The following HSF2BP variants were observed in gnomAD, a reference collection of about 807,000 sequenced individuals.
The protein encoded by HSF2BP is heat shock transcription factor 2 binding protein.
HSF2BP carries 35 observed loss-of-function variants against 35.0 expected under a neutral mutation model. The ratio of observed to expected loss-of-function variants is 1.00; its 90% CI spans 0.76 to 1.32. The LOEUF is 1.32. Ranked by LOEUF, HSF2BP falls within the 40% of genes most tolerant of loss-of-function variation. HSF2BP has a pLI of 0.00. For missense variants in HSF2BP, 326 were observed against 321.7 expected (o/e 1.01, Z -0.10); for synonymous variants, 114 against 117.4 (o/e 0.97, Z 0.18).
At chr21:43,628,041 A>C (rs1352175194) in intron 6 of HSF2BP, among the ~76,000 whole-genome samples, 1 of 152,152 alleles carries the variant, frequency 6.6e-6, no homozygotes, top group East Asian at 1.9e-4. Context: ...TTTTCCAATG[A>C]CTGGCCATTC....
At chr21:43,642,370 A>C (rs2082648435) in intron 4 of HSF2BP, among the ~76,000 whole-genome samples, 1 of 152,146 alleles carries the variant, frequency 6.6e-6, no homozygotes, top group African/African-American at 2.4e-5. Context: ...CAAAAAATAA[A>C]TAAATAAATA....
chr21:43,644,214 T>G lies in HSF2BP; in HGVS notation c.291+75A>C, dbSNP rs1601718606. ...TTAAGAGTAAAAAATTCAGTCCCACTGCTTATCATAAGTGAAAGGCTGTAA... is the reference window on the plus strand; with the variant it reads ...TTAAGAGTAAAAAATTCAGTCCCACGGCTTATCATAAGTGAAAGGCTGTAA... On this transcript the variant is annotated intron_variant, in intron 4 of 8. Transcript: ENST00000291560. 2.8e-6 allele frequency: 3 copies of G among 1,062,094 alleles called. No individual in the cohort carries two copies. The East Asian group carries it at 7.1e-5, about 25-fold the overall frequency. The allele number at this position is 1,062,094 out of a possible 1,614,324, so 65.8% of individuals were successfully genotyped here.
intron 3 of HSF2BP, among the ~76,000 whole-genome samples, chr21:43,650,292 C>T (rs2082765864): frequency 1.3e-5 from 2 of 151,928 alleles, no homozygotes; most frequent in Non-Finnish European, 2.9e-5. Context: ...CTGCAAGCTC[C>T]GCCTCTGGGG....
chr21:43,643,681 G>A (rs559071724), intron 4 of HSF2BP, among the ~76,000 whole-genome samples: 287 of 152,292 alleles, frequency 1.9e-3, no homozygotes, highest in African/African-American at 6.6e-3. Context: ...CAGCCTCGCC[G>A]GGCGTGATGG....
chr21:43,626,452 T>G (rs1363075143), intron 6 of HSF2BP, among the ~76,000 whole-genome samples: 1 of 152,244 alleles, frequency 6.6e-6, no homozygotes, highest in Non-Finnish European at 1.5e-5. Flanking sequence ...AATGTAGATA[T>G]GCGGCTGCAA....
At chr21:43,572,281 G>T (rs947872905) in intron 8 of HSF2BP, among the ~76,000 whole-genome samples, 1 of 152,238 alleles carries the variant, frequency 6.6e-6, no homozygotes, top group Non-Finnish European at 1.5e-5. Flanking sequence ...GGATGTGCTA[G>T]CCCAGCGCTT....
chr21:43,647,954 T>TAAAAAAAAAAAAAAAAAAAAAAAAAA (rs796624750), intron 3 of HSF2BP, among the ~76,000 whole-genome samples: 1 of 146,466 alleles, frequency 6.8e-6, no homozygotes. Flanking sequence ...AAAAAAAAAC[T>TAAAAAAAAAAAAAAAAAAAAAAAAAA]AAAATCAATC....
chr21:43,650,696 GGCTT>G, intron 3 of HSF2BP, among the ~76,000 whole-genome samples: 2 of 148,894 alleles, frequency 1.3e-5, no homozygotes, highest in South Asian at 4.2e-4. Context: ...AGTGTTTTCA[GGCTT>G]GCTTTTTTTT....
intron 4 of HSF2BP, among the ~76,000 whole-genome samples, chr21:43,642,352 C>A (rs1455743957): frequency 6.6e-6 from 1 of 152,068 alleles, no homozygotes; most frequent in Non-Finnish European, 1.5e-5. Flanking sequence ...CAGAGCAACA[C>A]CCTGTCTCAA....
rs572086168 is a variant in HSF2BP, at chr21:43,644,766, G to A, written c.188-374C>T. ...TGTCGCTACTCCATGAAAAGCAGAA[G>A]GCAGCTCAGGGAGTGCACGGCGCCA... is the stretch of plus-strand genomic sequence containing the variant. On this transcript the variant is annotated intron_variant, in intron 3 of 8. Coordinates refer to ENST00000291560, the MANE Select transcript of HSF2BP (RefSeq NM_007031.2). Among the ~76,000 whole-genome samples, 51 of 152,320 alleles carry A rather than the reference G, an allele frequency of 3.3e-4. No homozygotes were observed. The East Asian group carries it at 8.5e-3, about 25-fold the overall frequency.
At chr21:43,603,995 T>G (rs2838330) in intron 7 of HSF2BP, among the ~76,000 whole-genome samples, 1 of 151,854 alleles carries the variant, frequency 6.6e-6, no homozygotes, top group African/African-American at 2.4e-5. Context: ...GAACACACCA[T>G]GAGCCAGCTC....
chr21:43,614,967 A>G (rs1023098340), intron 6 of HSF2BP, among the ~76,000 whole-genome samples: 7 of 152,204 alleles, frequency 4.6e-5, no homozygotes, highest in African/African-American at 1.7e-4. Context: ...CAAGTATCCC[A>G]TTTCTTCATG....
intron 3 of HSF2BP, among the ~76,000 whole-genome samples, chr21:43,645,061 A>G (rs983796033): frequency 1.3e-5 from 2 of 152,248 alleles, no homozygotes; most frequent in African/African-American, 4.8e-5. Flanking sequence ...ATGTTGCAGA[A>G]ATACTGACAC....
chr21:43,638,813 A>C (rs527644140), intron 4 of HSF2BP, among the ~76,000 whole-genome samples: 2 of 152,362 alleles, frequency 1.3e-5, no homozygotes, highest in South Asian at 4.1e-4. Flanking sequence ...TTACTCTAAA[A>C]TTTATGCGGA....
intron 7 of HSF2BP, among the ~76,000 whole-genome samples, chr21:43,604,891 CCA>C (rs1568905758): frequency 1.4e-5 from 2 of 139,752 alleles, no homozygotes; most frequent in Non-Finnish European, 3.1e-5. Context: ...ACACTACACA[CCA>C]CACACATCAC....
At chr21:43,618,254 C>T (rs1347527935) in intron 6 of HSF2BP, among the ~76,000 whole-genome samples, 1 of 151,326 alleles carries the variant, frequency 6.6e-6, no homozygotes, top group Non-Finnish European at 1.5e-5. Flanking sequence ...AAGTGAGACC[C>T]CATTTAAAAA....
rs919434912 is a variant in HSF2BP at position 43,633,698 on chromosome 21, A to T, written c.292-277T>A. 3.9e-5 allele frequency among the ~76,000 whole-genome samples: 6 copies of T among 152,360 alleles called. No homozygotes were observed. In the South Asian group the frequency reaches 1.0e-3, roughly 26 times the overall value. Reference sequence around the variant, plus strand: ...GAATTCATCTGCTTTAAGTAACTACATGAAATATCTCAAGCCCCAAGTAAC... The same window carrying T: ...GAATTCATCTGCTTTAAGTAACTACTTGAAATATCTCAAGCCCCAAGTAAC... On this transcript the variant is annotated intron_variant, in intron 4 of 8. Transcript: ENST00000291560.
intron 3 of HSF2BP, among the ~76,000 whole-genome samples, chr21:43,646,236 C>T (rs754440878): frequency 6.6e-6 from 1 of 151,884 alleles, no homozygotes; most frequent in East Asian, 1.9e-4. Context: ...TCATTTTCTG[C>T]TCTTTTAAGA....
At chr21:43,508,960 ACT>A in the HSF2BP span, among the ~76,000 whole-genome samples, 4 of 121,998 alleles carry the variant, frequency 3.3e-5, 1 homozygote, top group East Asian at 8.9e-4. Context: ...AGGATCCTCT[ACT>A]CTCTGCCCGG....
Sources: allele counts gnomAD v4.1 joint callset (sites outside exome capture counted in the v4.1 genomes callset), GRCh38; gene constraint gnomAD v4.1.1; transcripts MANE v1.5; gene names NCBI Gene and HGNC (gene_info 2026-07-23, HGNC 2026-07-21).